Variants in GANC observed in about 807,000 individuals in gnomAD.
The protein encoded by GANC is glucosidase alpha, neutral C.
Under a neutral mutation model 124.2 loss-of-function variants are expected in GANC, and 117 were observed. The ratio of observed to expected loss-of-function variants is 0.94; its 90% CI spans 0.81 to 1.10. The LOEUF (loss-of-function observed/expected upper bound fraction) is 1.10. GANC is among the 50% of genes least tolerant of loss of function. The probability of loss-of-function intolerance (pLI) is 0.00; values close to 1 mark genes in which losing one functional copy is unlikely to be tolerated. For synonymous variants in GANC, 377 were observed against 376.8 expected, an observed-to-expected ratio of 1.00 and a Z score of -0.01; for missense variants, 1,140 against 1,095.0, an observed-to-expected ratio of 1.04 and a Z score of -0.58.
At position 42,277,537 on chromosome 15, in the gene GANC, A is replaced by G. The variant is rs1023278411; in HGVS notation, c.93-945A>G. Among the ~76,000 whole-genome samples the G allele has an allele frequency of 2.0e-5, 3 of 152,130 alleles. No homozygotes were observed. In the East Asian group the frequency reaches 5.8e-4, roughly 29 times the overall value. ...AAGAGTGAAACTCCGTCTAAAAAAAAAAAAAGATTGCCTGTTTCTCCAGAG... is the reference window on the plus strand; with the variant it reads ...AAGAGTGAAACTCCGTCTAAAAAAAGAAAAAGATTGCCTGTTTCTCCAGAG... On this transcript the variant is annotated intron_variant, in intron 2 of 23. Coordinates refer to ENST00000318010, the MANE Select transcript of GANC (RefSeq NM_198141.3).
intron 6 of GANC, among the ~76,000 whole-genome samples, chr15:42,301,798 C>G (rs1354642415): frequency 6.6e-6 from 1 of 152,222 alleles, no homozygotes; most frequent in Admixed American, 6.5e-5. Context: ...CAGACTGCCT[C>G]TCTAGATTCC....
Position 42,310,179 on chromosome 15 carries a change from G to C in GANC, c.723-104G>C, listed in dbSNP as rs190042287. 7 of 837,606 alleles carry C rather than the reference G, an allele frequency of 8.4e-6. No homozygotes were observed. The South Asian group carries it at 2.3e-4, about 27-fold the overall frequency. The allele number at this position is 837,606 out of a possible 1,614,324, so 51.9% of individuals were successfully genotyped here. A position where few individuals can be genotyped will look rare whatever the true frequency, so the allele number is the denominator to read the frequency against. ...AAGTGGCAAGAGTTGAGCCTCCAAA[G>C]ATGCGTGGGACCTAAGTGTTTAGAG... is the stretch of plus-strand genomic sequence containing the variant. On this transcript the variant is annotated intron_variant, in intron 8 of 23. Transcript: ENST00000318010.
chr15:42,349,531 G>A, intron 22 of GANC, 36 bp downstream of exon 22: 3 of 1,207,528 alleles, frequency 2.5e-6, no homozygotes, highest in Non-Finnish European at 3.7e-6. Flanking sequence ...GTTTTCTTAA[G>A]TAAATCACAC....
chr15:42,343,215 T>A, intron 19 of GANC, 61 bp downstream of exon 19: 14 of 1,411,210 alleles, frequency 9.9e-6, no homozygotes, highest in Non-Finnish European at 1.3e-5. Context: ...TTCTTTTCTT[T>A]TAGGAAAGAG....
In GANC at chr15:42,351,398, G is replaced by A. The variant is rs772225637; in HGVS notation, c.2601G>A (p.Arg867=). 1.2e-6 allele frequency: 2 copies of A among 1,614,054 alleles called. No individual in the cohort carries two copies. The highest frequency in any genetic ancestry group is 3.3e-5 in the Admixed American group (2 of 60,020). The part of the protein sequence containing the change: ...VVEKILVLGF[R]KEPSSVTTHS... ...AGAAGATCTTGGTCTTAGGCTTCAG[G>A]AAGGAGCCATCTTCTGTGACTACCC... is the stretch of plus-strand genomic sequence containing the variant. Residue 867 remains arginine (R), a synonymous_variant, in exon 23 of 24, where the codon AGG becomes AGA. Coordinates refer to ENST00000318010, the MANE Select transcript of GANC (RefSeq NM_198141.3).
intron 19 of GANC, 37 bp downstream of exon 19, chr15:42,343,191 A>T: frequency 6.5e-7 from 1 of 1,527,498 alleles, no homozygotes; most frequent in Admixed American, 1.7e-5. Context: ...GATATGTCTC[A>T]TATCTCTCAT....
intron 3 of GANC, among the ~76,000 whole-genome samples, chr15:42,285,138 TAGA>T (rs2051774930): frequency 6.6e-6 from 1 of 152,188 alleles, no homozygotes; most frequent in Admixed American, 6.5e-5. Flanking sequence ...CTGTTTTAGG[TAGA>T]AGAATATAAC....
Position 42,299,398 on chromosome 15 carries a change from C to A in GANC, c.558+1742C>A, listed in dbSNP as rs979443156. ...TTGCATATGTTGAACCGGCCTTGCC[C>A]CAGAGATGAAGCTGACTTGATCGTG... is the stretch of plus-strand genomic sequence containing the variant. On this transcript the variant is annotated intron_variant, in intron 6 of 23. Coordinates refer to ENST00000318010, the MANE Select transcript of GANC (RefSeq NM_198141.3). 1.8e-4 allele frequency among the ~76,000 whole-genome samples: 28 copies of A among 152,122 alleles called. 1 individual carries two copies. Among genetic ancestry groups the A allele is most frequent in the Admixed American group, 1.8e-3 (27 of 15,268 alleles).
intron 3 of GANC, among the ~76,000 whole-genome samples, chr15:42,281,509 A>AC (rs2051733874): frequency 6.6e-6 from 1 of 151,972 alleles, no homozygotes; most frequent in South Asian, 2.1e-4. Context: ...ACATGGCAAA[A>AC]CCCCATCTCT....
intron 10 of GANC, among the ~76,000 whole-genome samples, chr15:42,319,974 G>A (rs2620374): frequency 0.91 from 138,454 of 152,174 alleles, 64,343 homozygotes; most frequent in Non-Finnish European, 1. Flanking sequence ...ACCTAATGTC[G>A]GGAGTTTGAG....
At chr15:42,330,485 A>G (rs1312354741) in intron 14 of GANC, 91 bp from the exon 15 acceptor site, 25 of 794,560 alleles carry the variant, frequency 3.1e-5, no homozygotes, top group Middle Eastern at 2.2e-4. Flanking sequence ...GCTCCTGCCT[A>G]CTGTTTGCTT....
intron 5 of GANC, among the ~76,000 whole-genome samples, chr15:42,296,835 T>C (rs909965490): frequency 1.3e-5 from 2 of 151,532 alleles, no homozygotes; most frequent in African/African-American, 4.9e-5. Context: ...CACTCAAATA[T>C]TTTTTTTCTT....
In GANC at chr15:42,329,253, A is replaced by C. The variant is rs558440649; in HGVS notation, c.1501-53A>C. 4 of 1,550,768 alleles carry C rather than the reference A, an allele frequency of 2.6e-6. No homozygotes were observed. In the South Asian group the frequency reaches 3.6e-5, roughly 14 times the overall value. On this transcript the variant is annotated intron_variant, in intron 13 of 23. Coordinates refer to ENST00000318010, the MANE Select transcript of GANC (RefSeq NM_198141.3). ...AAATGAGGTAGCAATGGTGACAGCT[A>C]TTATATAGACATCATCAATGTAGGA...
chr15:42,335,318 A>C (rs750307627), intron 15 of GANC, among the ~76,000 whole-genome samples: 1 of 152,216 alleles, frequency 6.6e-6, no homozygotes, highest in Admixed American at 6.5e-5. Context: ...AACATACCCA[A>C]GTCAATAAAT....
intron 18 of GANC, among the ~76,000 whole-genome samples, chr15:42,341,399 A>G (rs1301706895): frequency 6.6e-6 from 1 of 152,200 alleles, no homozygotes; most frequent in Non-Finnish European, 1.5e-5. Flanking sequence ...AAAAACCAGA[A>G]GAGCTTATTT....
chr15:42,334,791 C>G (rs191462056), intron 15 of GANC, among the ~76,000 whole-genome samples: 1 of 151,452 alleles, frequency 6.6e-6, no homozygotes, highest in East Asian at 1.9e-4. Flanking sequence ...AGATAGACTG[C>G]TAGCTAGACT....
At chr15:42,306,112 C>T (rs1368016787) in intron 6 of GANC, among the ~76,000 whole-genome samples, 7 of 151,502 alleles carry the variant, frequency 4.6e-5, no homozygotes, top group African/African-American at 9.7e-5. Flanking sequence ...CTGCAACCTC[C>T]GCCTCCCAGG....
At chr15:42,320,076 C>T (rs913602663) in intron 10 of GANC, among the ~76,000 whole-genome samples, 8 of 152,106 alleles carry the variant, frequency 5.3e-5, no homozygotes, top group East Asian at 3.9e-4. Flanking sequence ...CCCAGCTACT[C>T]GGGAGGCTGA....
chr15:42,297,575 C>T, intron 5 of GANC, 36 bp from the exon 6 acceptor site: 1 of 1,566,618 alleles, frequency 6.4e-7, no homozygotes, highest in South Asian at 1.1e-5. Context: ...GTCAGTCTTG[C>T]CATTGAGTGA....
Sources: allele counts gnomAD v4.1 joint callset (sites outside exome capture counted in the v4.1 genomes callset), GRCh38; gene constraint gnomAD v4.1.1; transcripts MANE v1.5; gene names NCBI Gene and HGNC (gene_info 2026-07-23, HGNC 2026-07-21).